The following FGD6 variants were observed in gnomAD, a reference collection of about 807,000 sequenced individuals.
The protein encoded by FGD6 is FYVE, RhoGEF and PH domain containing 6, also known as FYVE, RhoGEF and PH domain-containing protein 6.
In FGD6, 90 loss-of-function variants were observed where a neutral mutation model predicts 149.4. The observed-to-expected ratio is 0.60, with a 90% confidence interval of 0.51 to 0.72. FGD6 has a LOEUF of 0.72. Ranked by LOEUF, FGD6 falls within the 30% of genes least tolerant of loss-of-function variation. The probability of loss-of-function intolerance (pLI) is 0.00; values close to 1 mark genes in which losing one functional copy is unlikely to be tolerated. For synonymous variants in FGD6, 527 were observed against 584.0 expected (o/e 0.90, Z 1.41); for missense variants, 1,437 against 1,684.8 (o/e 0.85, Z 2.57).
In FGD6 at chr12:95,102,443, CAAAAAAA is replaced by C. The variant is rs55926317; in HGVS notation, c.3497+2557_3497+2563del. On this transcript the variant is annotated intron_variant, in intron 14 of 20. Transcript: ENST00000343958. ...TGGGTGACAGAGCGAGACCCTTTCT[CAAAAAAA>C]AAAAAAAAAAAAAAAAACACAACAA... 5.0e-4 allele frequency among the ~76,000 whole-genome samples: 52 copies of C among 104,204 alleles called. 1 individual carries two copies. Among genetic ancestry groups the C allele is most frequent in the East Asian group, 8.8e-4 (3 of 3,428 alleles). The allele number at this position is 104,204 out of a possible 152,430, so 68.4% of individuals were successfully genotyped here.
intron 14 of FGD6, among the ~76,000 whole-genome samples, chr12:95,097,445 G>A (rs1041273308): frequency 6.6e-6 from 1 of 151,916 alleles, no homozygotes; most frequent in African/African-American, 2.4e-5. Context: ...AGACCAGCCT[G>A]GCCAACATGT....
chr12:95,201,008 A>G (rs545340433), intron 2 of FGD6, among the ~76,000 whole-genome samples: 5 of 152,094 alleles, frequency 3.3e-5, no homozygotes, highest in Middle Eastern at 6.9e-3. Flanking sequence ...GCTGATATAA[A>G]CATGTCTAGT....
In FGD6 at chr12:95,092,844, G is replaced by C. The variant is rs1394891290; in HGVS notation, c.3602C>G (p.Ala1201Gly). 1 of 1,607,248 alleles carries C rather than the reference G, an allele frequency of 6.2e-7. No homozygotes were observed. Among genetic ancestry groups the C allele is most frequent in the Non-Finnish European group, 8.5e-7 (1 of 1,176,634 alleles). ...AACTTCTTCTTTATTTTCTGAGTCT[G>C]CCTGTGGAAGAAGAACAACTTCTGA... ...TFCPSRSLDE[A>G]DSENKEEVSP... Residue 1201 changes from alanine (A) to glycine (G), a missense_variant and splice_region_variant, in exon 16 of 21, where the codon GCA (alanine) becomes GGA (glycine). By Grantham distance (60) the Ala-to-Gly change is moderately conservative. Transcript: ENST00000343958.
chr12:95,211,065 C>T lies in FGD6; in HGVS notation c.219G>A (p.Arg73=). 1 of 1,614,126 alleles carries T rather than the reference C, an allele frequency of 6.2e-7. No homozygotes were observed. Among genetic ancestry groups the T allele is most frequent in the Non-Finnish European group, 8.5e-7 (1 of 1,180,036 alleles). The change falls in exon 2 of 21, where the codon AGG becomes AGA. Residue 73 remains arginine (R), a synonymous_variant. Coordinates refer to ENST00000343958, the MANE Select transcript of FGD6 (RefSeq NM_018351.4). ...PVREIGQSPS[R]KIMLNLEGHK... ...GCCCTTCCAGGTTCAACATGATTTT[C>T]CTTGATGGCGACTGCCCAATCTCTC...
chr12:95,217,099 C>T, intron 1 of FGD6, 126 bp downstream of exon 1: 1 of 1,441,800 alleles, frequency 6.9e-7, no homozygotes. Flanking sequence ...CCGCGCTTGC[C>T]GAGGTGCTCG....
chr12:95,100,689 G>C, intron 14 of FGD6: 1 of 539,136 alleles, frequency 1.9e-6, no homozygotes. Context: ...AATTCACCAA[G>C]AGCAATGTGA....
Position 95,159,940 on chromosome 12 carries a change from G to A in FGD6, c.2587-6947C>T, listed in dbSNP as rs140903985. Among the ~76,000 whole-genome samples, 663 of 152,242 alleles carry A rather than the reference G, an allele frequency of 4.4e-3. 7 individuals are homozygous for A. The highest frequency in any genetic ancestry group is 0.015 in the African/African-American group (627 of 41,558). ...GAGGATCACTTGAGCCCAGGAGTTT[G>A]AGGCTGCAGTGAGCTATCATCACAA... is the stretch of plus-strand genomic sequence containing the variant. On this transcript the variant is annotated intron_variant, in intron 3 of 20. Coordinates refer to ENST00000343958, the MANE Select transcript of FGD6 (RefSeq NM_018351.4).
rs564651632 is a variant in FGD6, at chr12:95,198,938, T to A, written c.2441+9905A>T. On this transcript the variant is annotated intron_variant, in intron 2 of 20. Coordinates refer to ENST00000343958, the MANE Select transcript of FGD6 (RefSeq NM_018351.4). The stretch of plus-strand genomic sequence containing the variant: ...TGAAAGTTTCTGCCTGGTTTGAATA[T>A]TCACCTTGCTGAAATCACCATTTTA... Among the ~76,000 whole-genome samples the A allele has an allele frequency of 9.9e-5, 15 of 152,270 alleles. No homozygotes were observed. In the South Asian group the frequency reaches 3.1e-3, roughly 32 times the overall value.
At chr12:95,147,129 G>C (rs2136267658) in intron 5 of FGD6, among the ~76,000 whole-genome samples, 1 of 152,254 alleles carries the variant, frequency 6.6e-6, no homozygotes, top group South Asian at 2.1e-4. Flanking sequence ...CCTCATGAAG[G>C]ACACCAGGAA....
intron 18 of FGD6, among the ~76,000 whole-genome samples, chr12:95,089,344 T>G (rs1858927304): frequency 6.6e-6 from 1 of 152,260 alleles, no homozygotes; most frequent in South Asian, 2.1e-4. Context: ...ATCACTGCTA[T>G]TAAATGTTCT....
At chr12:95,088,662 C>T (rs1877953540) in intron 18 of FGD6, among the ~76,000 whole-genome samples, 1 of 152,078 alleles carries the variant, frequency 6.6e-6, no homozygotes, top group Non-Finnish European at 1.5e-5. Context: ...TCGTAATAGC[C>T]AAAAGGTGGA....
At chr12:95,143,971 G>A (rs1236449606) in intron 5 of FGD6, among the ~76,000 whole-genome samples, 1 of 152,178 alleles carries the variant, frequency 6.6e-6, no homozygotes, top group Admixed American at 6.5e-5. Flanking sequence ...TTGTTTCCCA[G>A]TTGGAAGGTA....
intron 8 of FGD6, among the ~76,000 whole-genome samples, chr12:95,124,701 G>A (rs1171493655): frequency 6.6e-6 from 1 of 152,010 alleles, no homozygotes; most frequent in African/African-American, 2.4e-5. Context: ...AAACTTGGAG[G>A]GCAAAAAGAG....
rs1223612208 is a variant in FGD6 at position 95,081,031 on chromosome 12, C to T, written c.*489G>A. The T allele has an allele frequency of 6.6e-6, 1 of 152,160 alleles. No homozygotes were observed. Among genetic ancestry groups the T allele is most frequent in the Non-Finnish European group, 1.5e-5 (1 of 68,016 alleles). The allele number at this position is 152,160 out of a possible 1,614,324, so 9.4% of individuals were successfully genotyped here. A position where few individuals can be genotyped will look rare whatever the true frequency, so the allele number is the denominator to read the frequency against. ...CCACTAAAAGATACAAATATTCACC[C>T]AAGTTTATTGATTCAAAGACATGCA... is the stretch of plus-strand genomic sequence containing the variant. On this transcript the variant is annotated 3_prime_UTR_variant, in exon 21 of 21. Coordinates refer to ENST00000343958, the MANE Select transcript of FGD6 (RefSeq NM_018351.4).
chr12:95,098,617 T>C (rs928252935), intron 14 of FGD6, among the ~76,000 whole-genome samples: 1 of 152,180 alleles, frequency 6.6e-6, no homozygotes, highest in Non-Finnish European at 1.5e-5. Flanking sequence ...CAGGAGGCTC[T>C]TCCTTTTTCC....
rs370289893 is a variant in FGD6, at chr12:95,156,135, T to G, written c.2587-3142A>C. ...TTGTAGAGCATGTGTGTTTGAACAATATAAAATCTGGGCACCTTGAAAAAA... is the reference window on the plus strand; with the variant it reads ...TTGTAGAGCATGTGTGTTTGAACAAGATAAAATCTGGGCACCTTGAAAAAA... On this transcript the variant is annotated intron_variant, in intron 3 of 20. Transcript: ENST00000343958. 5.3e-5 allele frequency among the ~76,000 whole-genome samples: 8 copies of G among 152,262 alleles called. 1 individual carries two copies. In the East Asian group the frequency reaches 1.5e-3, roughly 29 times the overall value.
At chr12:95,158,334 A>ATT (rs574831510) in intron 3 of FGD6, among the ~76,000 whole-genome samples, 15 of 141,060 alleles carry the variant, frequency 1.1e-4, no homozygotes, top group African/African-American at 3.6e-4. Context: ...TGCACGGCTA[A>ATT]TTTTTTTTTT....
intron 16 of FGD6, 31 bp from the exon 17 acceptor site, chr12:95,091,840 T>C: frequency 6.7e-7 from 1 of 1,499,316 alleles, no homozygotes; most frequent in Non-Finnish European, 9.2e-7. Context: ...TGTCATTAAT[T>C]TCATTAGAAT....
chr12:95,091,900 A>C (rs1878066996), intron 16 of FGD6, 91 bp from the exon 17 acceptor site: 3 of 926,992 alleles, frequency 3.2e-6, no homozygotes, highest in Non-Finnish European at 4.9e-6. Flanking sequence ...AGTGCTATCC[A>C]CTTTTCAAAA....
Sources: gnomAD v4.1 joint callset for allele counts (sites outside exome capture counted in the v4.1 genomes callset) on GRCh38, gnomAD v4.1.1 for gene constraint, MANE v1.5 for transcripts, NCBI Gene and HGNC (gene_info 2026-07-23, HGNC 2026-07-21) for gene names.